Variants in ERAP1 observed in about 807,000 individuals in gnomAD.
ERAP1 encodes the protein adipocyte-derived leucine aminopeptidase.
A neutral mutation model predicts 103.7 loss-of-function variants in ERAP1; 86 were observed. The observed-to-expected ratio is 0.83, with a 90% confidence interval of 0.70 to 0.99. The LOEUF (loss-of-function observed/expected upper bound fraction) is 0.99. ERAP1 is among the 50% of genes least tolerant of loss of function. The pLI is 0.00. For missense variants in ERAP1, 1,009 were observed against 1,128.4 expected, an observed-to-expected ratio of 0.89 and a Z score of 1.52; for synonymous variants, 398 against 402.4, an observed-to-expected ratio of 0.99 and a Z score of 0.13.
chr5:96,768,263 T>C, intron 19 of ERAP1: 2 of 446,340 alleles, frequency 4.5e-6, no homozygotes, highest in Non-Finnish European at 8.3e-6. Flanking sequence ...TTTGTATTTT[T>C]TTGTAGAGAG....
chr5:96,818,264 C>T, the ERAP1 span, among the ~76,000 whole-genome samples: 1 of 152,104 alleles, frequency 6.6e-6, no homozygotes, highest in Non-Finnish European at 1.5e-5. Context: ...GCTCAACACA[C>T]CTCCCTTTCC....
chr5:96,764,184 G>T (rs1768994948), intron 19 of ERAP1, among the ~76,000 whole-genome samples: 1 of 152,142 alleles, frequency 6.6e-6, no homozygotes, highest in African/African-American at 2.4e-5. Context: ...TATGGATTTT[G>T]CTATAATAAT....
intron 19 of ERAP1, among the ~76,000 whole-genome samples, chr5:96,763,496 G>GATGA (rs1379996904): frequency 6.6e-6 from 1 of 152,192 alleles, no homozygotes; most frequent in South Asian, 2.1e-4. Context: ...ATTCTGCCCT[G>GATGA]ATGAAGGCTA....
chr5:96,791,742 G>A (rs766792771), intron 8 of ERAP1, among the ~76,000 whole-genome samples: 71 of 152,174 alleles, frequency 4.7e-4, no homozygotes, highest in Non-Finnish European at 8.4e-4. Flanking sequence ...TAAGCTACAC[G>A]AGGGCAGGAA....
chr5:96,926,827 T>C, the ERAP1 span, among the ~76,000 whole-genome samples: 2 of 152,214 alleles, frequency 1.3e-5, no homozygotes, highest in Non-Finnish European at 2.9e-5. Flanking sequence ...TGTTTGTTTG[T>C]TTGTTTCAAG....
the ERAP1 span, among the ~76,000 whole-genome samples, chr5:96,926,297 T>G: frequency 6.6e-6 from 1 of 152,214 alleles, no homozygotes; most frequent in Non-Finnish European, 1.5e-5. Flanking sequence ...TTTATCAGTT[T>G]TATATCAGAG....
At chr5:96,771,613 A>G (rs1476642402), downstream of ERAP1, 1 of 1,594,462 alleles carries the variant, frequency 6.3e-7, no homozygotes, top group Non-Finnish European at 8.6e-7. Flanking sequence ...CAGAAAAGAA[A>G]GCTCACGGAT....
At chr5:96,847,237 G>C in the ERAP1 span, among the ~76,000 whole-genome samples, 1 of 124,832 alleles carries the variant, frequency 8.0e-6, no homozygotes, top group East Asian at 2.4e-4. Context: ...GACAGAGCAA[G>C]ACTCCATCTC....
the ERAP1 span, among the ~76,000 whole-genome samples, chr5:96,851,539 C>T: frequency 1.3e-5 from 2 of 152,202 alleles, no homozygotes; most frequent in Non-Finnish European, 2.9e-5. Flanking sequence ...TCTGATGCTG[C>T]TATTCTCTGG....
chr5:96,899,069 G>A, the ERAP1 span, among the ~76,000 whole-genome samples: 1 of 152,140 alleles, frequency 6.6e-6, no homozygotes, highest in Non-Finnish European at 1.5e-5. Context: ...TAGGCCAGCA[G>A]TGTAAATTCC....
At chr5:96,914,774 T>C in the ERAP1 span, among the ~76,000 whole-genome samples, 2 of 152,186 alleles carry the variant, frequency 1.3e-5, no homozygotes, top group Admixed American at 1.3e-4. Context: ...CAAGTAACAT[T>C]GCCCCACTAA....
At chr5:96,878,285 T>G in the ERAP1 span, among the ~76,000 whole-genome samples, 2 of 152,162 alleles carry the variant, frequency 1.3e-5, no homozygotes, top group African/African-American at 2.4e-5. Flanking sequence ...GCTTTTGACA[T>G]ATTGAAAATA....
chr5:96,901,360 C>G, the ERAP1 span: 1 of 833,784 alleles, frequency 1.2e-6, no homozygotes, highest in Non-Finnish European at 1.9e-6. Flanking sequence ...AATCCAGTTG[C>G]CTGGATTACC....
chr5:96,783,343 TC>T (rs1775497017), intron 14 of ERAP1, 108 bp from the exon 15 acceptor site: 1 of 1,003,716 alleles, frequency 1.0e-6, no homozygotes, highest in South Asian at 1.7e-5. Flanking sequence ...TAAAGCATAA[TC>T]TAACTTTTAC....
chr5:96,905,926 A>G, the ERAP1 span, among the ~76,000 whole-genome samples: 8 of 145,252 alleles, frequency 5.5e-5, no homozygotes, highest in Admixed American at 7.3e-5. Flanking sequence ...TTGGAGAGAT[A>G]ATTTTTTTTT....
intron 3 of ERAP1, among the ~76,000 whole-genome samples, chr5:96,798,191 G>T (rs1032611653): frequency 6.6e-6 from 1 of 151,996 alleles, no homozygotes; most frequent in Non-Finnish European, 1.5e-5. Context: ...CGGGCGTGGT[G>T]GCAGGTGCCT....
the ERAP1 span, among the ~76,000 whole-genome samples, chr5:96,893,543 C>A: frequency 6.6e-6 from 1 of 152,166 alleles, no homozygotes; most frequent in South Asian, 2.1e-4. Context: ...TTAACTGAGT[C>A]TGGGGATTTC....
At chr5:96,919,099 G>C in the ERAP1 span, 1 of 152,174 alleles carries the variant, frequency 6.6e-6, no homozygotes, top group Non-Finnish European at 1.5e-5. Flanking sequence ...ACTGATGTTT[G>C]CATTATTAAG....
rs1777460590 is a variant in ERAP1, at chr5:96,797,391, T to C, written c.664-82A>G. 7 of 1,486,400 alleles carry C rather than the reference T, an allele frequency of 4.7e-6. No individual in the cohort carries two copies. The South Asian group carries it at 6.9e-5, about 15-fold the overall frequency. 92.1% of individuals were successfully genotyped at this position (1,486,400 alleles called of 1,614,324 possible). ...TGATAAATTTCCTAATTATCAGACATAATATTAAAAGTGTATCAATCCCAG... is the reference window on the plus strand; with the variant it reads ...TGATAAATTTCCTAATTATCAGACACAATATTAAAAGTGTATCAATCCCAG... On this transcript the variant is annotated intron_variant, in intron 3 of 18. Coordinates refer to ENST00000443439, the MANE Select transcript of ERAP1 (RefSeq NM_001040458.3).
Sources: gnomAD v4.1 joint callset for allele counts (sites outside exome capture counted in the v4.1 genomes callset) on GRCh38, gnomAD v4.1.1 for gene constraint, MANE v1.5 for transcripts, NCBI Gene and HGNC (gene_info 2026-07-23, HGNC 2026-07-21) for gene names.